MAF: variants seen among roughly 807,000 people sequenced by gnomAD.
MAF encodes the protein MAF bZIP transcription factor.
A neutral mutation model predicts 22.0 loss-of-function variants in MAF; 10 were observed. That is an observed-to-expected ratio of 0.45 (90% CI 0.28 to 0.77). The LOEUF (loss-of-function observed/expected upper bound fraction) is 0.77, where lower values mean the gene tolerates loss of function less well. Among genes scored for constraint, MAF ranks in the 30% least tolerant of loss-of-function variants. MAF has a pLI of 0.12. For synonymous variants in MAF, 337 were observed against 255.8 expected (o/e 1.32, Z -3.03); for missense variants, 544 against 548.4 (o/e 0.99, Z 0.08).
chr16:79,490,490 C>T, the MAF span, among the ~76,000 whole-genome samples: 1 of 152,158 alleles, frequency 6.6e-6, no homozygotes. Flanking sequence ...TTATGATACA[C>T]TCATACAATG....
At chr16:79,210,929 C>A in the MAF span, among the ~76,000 whole-genome samples, 62 of 152,010 alleles carry the variant, frequency 4.1e-4, no homozygotes, top group East Asian at 0.012. Flanking sequence ...ACCTGTGGTC[C>A]CATTGTAAAT....
chr16:79,249,847 A>G, the MAF span, among the ~76,000 whole-genome samples: 1 of 151,530 alleles, frequency 6.6e-6, no homozygotes, highest in African/African-American at 2.4e-5. Flanking sequence ...CTTTGCCACT[A>G]TTTTATATTC....
At chr16:79,221,060 G>C in the MAF span, among the ~76,000 whole-genome samples, 1 of 152,236 alleles carries the variant, frequency 6.6e-6, no homozygotes, top group African/African-American at 2.4e-5. Context: ...GGGTCAGCTC[G>C]TTTTGCCAGC....
At chr16:79,267,193 G>A in the MAF span, among the ~76,000 whole-genome samples, 1 of 152,222 alleles carries the variant, frequency 6.6e-6, no homozygotes, top group Non-Finnish European at 1.5e-5. Flanking sequence ...CAGCGTGGAA[G>A]TTCTGTCCAT....
the MAF span, among the ~76,000 whole-genome samples, chr16:79,525,249 T>G: frequency 2.6e-5 from 4 of 152,290 alleles, no homozygotes; most frequent in African/African-American, 9.6e-5. Flanking sequence ...TATGCACAGC[T>G]TCTCTGCCTC....
the MAF span, chr16:79,205,714 G>C: frequency 6.6e-6 from 1 of 152,188 alleles, no homozygotes; most frequent in African/African-American, 2.4e-5. Context: ...GGAAGTATTT[G>C]CATGTGTCTA....
At chr16:79,314,621 A>G in the MAF span, among the ~76,000 whole-genome samples, 1 of 152,192 alleles carries the variant, frequency 6.6e-6, no homozygotes, top group African/African-American at 2.4e-5. Context: ...GGTAAGCCAG[A>G]GCCAATTCAG....
chr16:79,457,264 G>A, the MAF span, among the ~76,000 whole-genome samples: 7 of 152,100 alleles, frequency 4.6e-5, no homozygotes, highest in South Asian at 6.2e-4. Flanking sequence ...TGCCCTCCTC[G>A]TTTCATGGGA....
chr16:79,493,749 T>C, the MAF span, among the ~76,000 whole-genome samples: 3 of 152,238 alleles, frequency 2.0e-5, no homozygotes, highest in Non-Finnish European at 2.9e-5. Context: ...ATGTGCATTA[T>C]GAGCATCATG....
chr16:79,320,485 T>C, the MAF span, among the ~76,000 whole-genome samples: 2 of 152,336 alleles, frequency 1.3e-5, no homozygotes, highest in South Asian at 4.1e-4. Context: ...ATCTGTGGGC[T>C]CTGAGGGCAG....
At chr16:79,502,274 C>G in the MAF span, among the ~76,000 whole-genome samples, 23 of 152,096 alleles carry the variant, frequency 1.5e-4, no homozygotes, top group Non-Finnish European at 2.9e-4. Context: ...TTACCCATGG[C>G]TAAAATAAGA....
chr16:79,540,616 GA>G, the MAF span, among the ~76,000 whole-genome samples: 1 of 152,226 alleles, frequency 6.6e-6, no homozygotes, highest in African/African-American at 2.4e-5. Context: ...TGGGAAGCCA[GA>G]CCACTTTGCT....
At chr16:79,211,565 CTTT>C in the MAF span, 107 of 1,613,534 alleles carry the variant, frequency 6.6e-5, no homozygotes, top group Admixed American at 1.2e-4. Flanking sequence ...CTCATCACTC[CTTT>C]TCTTAAAATT....
chr16:79,420,392 A>G, the MAF span, among the ~76,000 whole-genome samples: 3 of 152,200 alleles, frequency 2.0e-5, no homozygotes, highest in African/African-American at 7.2e-5. Flanking sequence ...CCGCATGTTG[A>G]CACGCCCTTC....
the MAF span, among the ~76,000 whole-genome samples, chr16:79,560,897 T>C: frequency 6.6e-6 from 1 of 152,234 alleles, no homozygotes; most frequent in Admixed American, 6.5e-5. Context: ...ACTACCTAAC[T>C]GTTTTGGAGA....
chr16:79,345,934 A>G, the MAF span, among the ~76,000 whole-genome samples: 9 of 152,042 alleles, frequency 5.9e-5, no homozygotes, highest in Non-Finnish European at 1.2e-4. Context: ...GATAAAGCCA[A>G]AAGAATAATT....
At chr16:79,394,068 C>T in the MAF span, among the ~76,000 whole-genome samples, 1 of 152,144 alleles carries the variant, frequency 6.6e-6, no homozygotes. Context: ...GCATGTTCTT[C>T]TAAAGTTCAC....
At chr16:79,364,574 G>C in the MAF span, among the ~76,000 whole-genome samples, 1 of 152,216 alleles carries the variant, frequency 6.6e-6, no homozygotes, top group Non-Finnish European at 1.5e-5. Flanking sequence ...CATGGTCCCT[G>C]ACAGAGCACA....
the MAF span, among the ~76,000 whole-genome samples, chr16:79,569,270 A>G: frequency 2.0e-5 from 3 of 152,224 alleles, no homozygotes; most frequent in African/African-American, 7.2e-5. Flanking sequence ...ACTGGAGGCC[A>G]GTGGCCCCCC....
Sources: gnomAD v4.1 joint callset for allele counts (sites outside exome capture counted in the v4.1 genomes callset) on GRCh38, gnomAD v4.1.1 for gene constraint, MANE v1.5 for transcripts, NCBI Gene and HGNC (gene_info 2026-07-23, HGNC 2026-07-21) for gene names.